Variants in ENPEP observed in about 807,000 individuals in gnomAD.
ENPEP encodes the protein glutamyl aminopeptidase.
Under a neutral mutation model 114.5 loss-of-function variants are expected in ENPEP, and 103 were observed. That is an observed-to-expected ratio of 0.90 (90% CI 0.77 to 1.06). The LOEUF (loss-of-function observed/expected upper bound fraction) is 1.06, where lower values mean the gene tolerates loss of function less well. Among genes scored for constraint, ENPEP ranks in the 50% least tolerant of loss-of-function variants. ENPEP has a pLI of 0.00. For missense variants in ENPEP, 1,196 were observed against 1,161.3 expected (o/e 1.03, Z -0.43); for synonymous variants, 420 against 422.0 (o/e 1.00, Z 0.06).
Position 110,549,406 on chromosome 4 carries a change from G to A in ENPEP, c.2212G>A (p.Asp738Asn), listed in dbSNP as rs1170320206. Residue 738 changes from aspartate to asparagine, a missense_variant, in exon 15 of 20, where the codon GAC (aspartate) becomes AAC (asparagine). Asp to Asn is a conservative substitution (Grantham distance 23, BLOSUM62 1). Transcript: ENST00000265162. The part of the protein sequence containing the change: ...ADSLGWNDAG[D>N]HVTKLLRSSV... ...TTCTCTGGGATGGAATGATGCTGGA[G>A]ACCATGTCACAAAGTTATTCTCACT... 1.2e-6 allele frequency: 2 copies of A among 1,613,228 alleles called. No individual in the cohort carries two copies. The highest frequency in any genetic ancestry group is 1.1e-5 in the South Asian group (1 of 91,066).
chr4:110,514,748 A>G (rs562299198), intron 7 of ENPEP, among the ~76,000 whole-genome samples: 5 of 152,094 alleles, frequency 3.3e-5, no homozygotes, highest in Non-Finnish European at 7.4e-5. Flanking sequence ...TTGATTTAAA[A>G]TATTACAAAT....
chr4:110,542,098 C>T (rs374382143), intron 11 of ENPEP, among the ~76,000 whole-genome samples: 12 of 152,040 alleles, frequency 7.9e-5, no homozygotes, highest in East Asian at 3.9e-4. Flanking sequence ...AGGAAGTAGA[C>T]GGCTTTACAA....
chr4:110,482,067 C>A (rs1338409904), intron 1 of ENPEP, among the ~76,000 whole-genome samples: 2 of 152,066 alleles, frequency 1.3e-5, no homozygotes, highest in African/African-American at 2.4e-5. Context: ...GAAAAATAGC[C>A]ATGATAGGCA....
In ENPEP at chr4:110,506,407, C is replaced by T. The variant is rs569348136; in HGVS notation, c.919-230C>T. 13 of 413,556 alleles carry T rather than the reference C, an allele frequency of 3.1e-5. No homozygotes were observed. The South Asian group carries it at 7.2e-4, about 23-fold the overall frequency. The allele number at this position is 413,556 out of a possible 1,614,324, so 25.6% of individuals were successfully genotyped here. A position where few individuals can be genotyped will look rare whatever the true frequency, so the allele number is the denominator to read the frequency against. ...ACATTATTTCTAGTCATTAAAATCA[C>T]TTAGTGAGTTGTGAAGTTTTATTAA... On this transcript the variant is annotated intron_variant, in intron 3 of 19. Coordinates refer to ENST00000265162, the MANE Select transcript of ENPEP (RefSeq NM_001977.4).
intron 3 of ENPEP, among the ~76,000 whole-genome samples, chr4:110,497,658 G>A (rs17551860): frequency 0.15 from 22,293 of 152,096 alleles, 1,760 homozygotes; most frequent in Middle Eastern, 0.29. Context: ...TAGCAGGTGA[G>A]TTCCGACTCA....
chr4:110,508,704 A>G (rs776029998), intron 4 of ENPEP, among the ~76,000 whole-genome samples: 8 of 152,006 alleles, frequency 5.3e-5, no homozygotes, highest in Non-Finnish European at 1.5e-5. Context: ...CCAGCTACTC[A>G]GGAGGCCGAG....
At chr4:110,535,983 T>C (rs1352895217) in intron 11 of ENPEP, among the ~76,000 whole-genome samples, 1 of 151,946 alleles carries the variant, frequency 6.6e-6, no homozygotes, top group African/African-American at 2.4e-5. Flanking sequence ...CATAGCTGCC[T>C]GTAATGCCAG....
intron 1 of ENPEP, among the ~76,000 whole-genome samples, 158 bp from the exon 2 acceptor site, chr4:110,488,382 CT>C (rs1289782376): frequency 6.6e-6 from 1 of 152,094 alleles, no homozygotes; most frequent in Admixed American, 6.6e-5. Context: ...CCAGGAAAAC[CT>C]TTGACAAATA....
chr4:110,525,147 A>C (rs1726146604), intron 10 of ENPEP, among the ~76,000 whole-genome samples: 1 of 152,206 alleles, frequency 6.6e-6, no homozygotes, highest in African/African-American at 2.4e-5. Flanking sequence ...GCATGAATAC[A>C]ACTTGCACAA....
In ENPEP at chr4:110,509,708, C is replaced by T. The variant is rs757475550; in HGVS notation, c.1095C>T (p.Ile365=). 3.1e-6 allele frequency: 5 copies of T among 1,614,100 alleles called. No individual in the cohort carries two copies. Among genetic ancestry groups the T allele is most frequent in the Non-Finnish European group, 4.2e-6 (5 of 1,180,036 alleles). ...GTGAMENWGL[I]TYRETNLLYD... ...GTGCCATGGAGAACTGGGGACTCAT[C>T]ACGTACAGAGAAACGAACCTGCTTT... The change falls in exon 5 of 20, where the codon ATC becomes ATT. Residue 365 remains isoleucine, a synonymous_variant. Transcript: ENST00000265162.
intron 4 of ENPEP, among the ~76,000 whole-genome samples, chr4:110,506,973 G>A (rs1483008461): frequency 1.3e-5 from 2 of 152,098 alleles, no homozygotes; most frequent in Non-Finnish European, 2.9e-5. Flanking sequence ...CCTGTACTGT[G>A]TTCTTATCTG....
rs550983675 is a variant in ENPEP at position 110,521,596 on chromosome 4, G to A, written c.1727+1230G>A. 2.6e-5 allele frequency among the ~76,000 whole-genome samples: 4 copies of A among 151,916 alleles called. No individual in the cohort carries two copies. The South Asian group carries it at 8.3e-4, about 32-fold the overall frequency. On this transcript the variant is annotated intron_variant, in intron 10 of 19. Coordinates refer to ENST00000265162, the MANE Select transcript of ENPEP (RefSeq NM_001977.4). ...GAACAAACAACTCCTGACTTTATAAGATGCATAATTAAGGAAACAAAATAA... is the reference window on the plus strand; with the variant it reads ...GAACAAACAACTCCTGACTTTATAAAATGCATAATTAAGGAAACAAAATAA...
At chr4:110,540,286 A>G (rs974703862) in intron 11 of ENPEP, among the ~76,000 whole-genome samples, 4 of 152,178 alleles carry the variant, frequency 2.6e-5, no homozygotes, top group African/African-American at 9.7e-5. Context: ...ATGTGTGCAT[A>G]TAGAAGATAC....
rs564416209 is a variant in ENPEP at position 110,550,600 on chromosome 4, C to T, written c.2501+714C>T. On this transcript the variant is annotated intron_variant, in intron 17 of 19. Coordinates refer to ENST00000265162, the MANE Select transcript of ENPEP (RefSeq NM_001977.4). The stretch of plus-strand genomic sequence containing the variant: ...CATCTATGACTCATTTCCCACTCTG[C>T]ATTTATACTTGAAATCAACAGGCTT... 7.9e-5 allele frequency among the ~76,000 whole-genome samples: 12 copies of T among 152,202 alleles called. No homozygotes were observed. The South Asian group carries it at 2.5e-3, about 32-fold the overall frequency.
chr4:110,514,814 G>A (rs1002069694), intron 7 of ENPEP, among the ~76,000 whole-genome samples: 2 of 152,044 alleles, frequency 1.3e-5, no homozygotes, highest in South Asian at 2.1e-4. Flanking sequence ...GAGCCAAGAT[G>A]TTCATCAGAT....
intron 6 of ENPEP, among the ~76,000 whole-genome samples, chr4:110,511,206 T>C (rs1384794767): frequency 6.6e-6 from 1 of 152,242 alleles, no homozygotes; most frequent in Non-Finnish European, 1.5e-5. Context: ...TGTAGCCTGC[T>C]TTACAAAGCG....
chr4:110,496,418 A>G (rs1489151051), intron 3 of ENPEP, among the ~76,000 whole-genome samples: 1 of 152,182 alleles, frequency 6.6e-6, no homozygotes, highest in Non-Finnish European at 1.5e-5. Flanking sequence ...TCTCCATGTA[A>G]CCTTCCCTTA....
chr4:110,540,768 C>T (rs1018386451), intron 11 of ENPEP, among the ~76,000 whole-genome samples: 2 of 152,104 alleles, frequency 1.3e-5, no homozygotes, highest in African/African-American at 4.8e-5. Context: ...CAGCATATCC[C>T]CTTTCATTAT....
In ENPEP at chr4:110,513,503, C is replaced by T. The variant is rs867303513; in HGVS notation, c.1397C>T (p.Thr466Ile). 1.9e-6 allele frequency: 3 copies of T among 1,613,266 alleles called. No individual in the cohort carries two copies. Among genetic ancestry groups the T allele is most frequent in the African/African-American group, 2.7e-5 (2 of 74,860 alleles). ...SSHPIIVTVT[T>I]PDEITSVFDG... Reference sequence around the variant, plus strand: ...CATCCAATTATTGTGACTGTGACAACCCCTGATGAAATAACATCTGTTTTT... The same window carrying T: ...CATCCAATTATTGTGACTGTGACAATCCCTGATGAAATAACATCTGTTTTT... The change falls in exon 7 of 20, where the codon ACC becomes ATC. Residue 466 changes from threonine (T) to isoleucine (I), a missense_variant. Physicochemically the swap from Thr to Ile is moderately conservative, Grantham distance 89 (BLOSUM62 -1). Coordinates refer to ENST00000265162, the MANE Select transcript of ENPEP (RefSeq NM_001977.4).
Sources: allele counts gnomAD v4.1 joint callset (sites outside exome capture counted in the v4.1 genomes callset), GRCh38; gene constraint gnomAD v4.1.1; transcripts MANE v1.5; gene names NCBI Gene and HGNC (gene_info 2026-07-23, HGNC 2026-07-21).